KCNIP1: variants seen among roughly 807,000 people sequenced by gnomAD.
KCNIP1 encodes the protein A-type potassium channel modulatory protein KCNIP1.
KCNIP1 carries 18 observed loss-of-function variants against 33.0 expected under a neutral mutation model. The ratio of observed to expected loss-of-function variants is 0.55; its 90% CI spans 0.38 to 0.81. The LOEUF is 0.81. Among genes scored for constraint, KCNIP1 ranks in the 30% least tolerant of loss-of-function variants. The pLI is 0.00. For synonymous variants in KCNIP1, 93 were observed against 98.3 expected (o/e 0.95, Z 0.32); for missense variants, 238 against 271.6 (o/e 0.88, Z 0.87).
chr5:170,496,091 T>TC (rs1314311515), intron 1 of KCNIP1, among the ~76,000 whole-genome samples: 1 of 152,088 alleles, frequency 6.6e-6, no homozygotes, highest in Non-Finnish European at 1.5e-5. Flanking sequence ...TGTTCCCTCC[T>TC]CCCCTCCCTG....
chr5:170,715,259 C>A (rs1244565420), intron 1 of KCNIP1, among the ~76,000 whole-genome samples: 1 of 152,148 alleles, frequency 6.6e-6, no homozygotes, highest in East Asian at 1.9e-4. Context: ...GCTACCCCAT[C>A]TAGGTTTGCG....
Position 170,715,610 on chromosome 5 carries a change from A to T in KCNIP1, c.62-3148A>T, listed in dbSNP as rs372864737. ...TTAGAAAATCACTTCTTAATATCAC[A>T]TGCGCAGGGCAATGGTCCCCTCACT... is the stretch of plus-strand genomic sequence containing the variant. On this transcript the variant is annotated intron_variant, in intron 1 of 7. Transcript: ENST00000328939. 8.5e-5 allele frequency among the ~76,000 whole-genome samples: 13 copies of T among 152,326 alleles called. No individual in the cohort carries two copies. The East Asian group carries it at 1.5e-3, about 18-fold the overall frequency.
intron 1 of KCNIP1, among the ~76,000 whole-genome samples, chr5:170,603,731 T>A (rs955729375): frequency 2.0e-5 from 3 of 152,082 alleles, no homozygotes; most frequent in African/African-American, 7.2e-5. Context: ...CCTGCCACAC[T>A]CTCAGATCAC....
chr5:170,690,918 G>T (rs1488837290), intron 1 of KCNIP1, among the ~76,000 whole-genome samples: 2 of 152,244 alleles, frequency 1.3e-5, no homozygotes, highest in African/African-American at 4.8e-5. Context: ...TTTGATTAAA[G>T]AGTTCCTTGC....
intron 1 of KCNIP1, among the ~76,000 whole-genome samples, chr5:170,539,001 T>C (rs1185289078): frequency 6.6e-6 from 1 of 151,942 alleles, no homozygotes; most frequent in East Asian, 2.0e-4. Context: ...GGGGGTGTCA[T>C]TCATTCTCTT....
At chr5:170,621,910 C>T (rs1435695757) in intron 1 of KCNIP1, among the ~76,000 whole-genome samples, 3 of 152,194 alleles carry the variant, frequency 2.0e-5, no homozygotes, top group Non-Finnish European at 4.4e-5. Context: ...ACCAAAACCT[C>T]TGTCCTCAAG....
At chr5:170,659,745 A>T (rs1018896690) in intron 1 of KCNIP1, among the ~76,000 whole-genome samples, 1 of 152,210 alleles carries the variant, frequency 6.6e-6, no homozygotes, top group East Asian at 1.9e-4. Flanking sequence ...CTGTGTTTTC[A>T]TCTTCTCTCA....
chr5:170,690,106 A>C (rs964982872), intron 1 of KCNIP1, among the ~76,000 whole-genome samples: 3 of 152,192 alleles, frequency 2.0e-5, no homozygotes, highest in Admixed American at 1.3e-4. Flanking sequence ...GGTGCCCAGC[A>C]CATAGTAGGT....
chr5:170,431,534 A>C (rs1005899408), intron 1 of KCNIP1, among the ~76,000 whole-genome samples: 2 of 152,160 alleles, frequency 1.3e-5, no homozygotes, highest in African/African-American at 4.8e-5. Context: ...ATTTCCAGGA[A>C]ATTACCTGGG....
intron 1 of KCNIP1, among the ~76,000 whole-genome samples, chr5:170,362,840 T>G (rs1763549915): frequency 1.3e-5 from 2 of 152,214 alleles, no homozygotes; most frequent in Non-Finnish European, 2.9e-5. Context: ...CTTGGCAGGC[T>G]GGGCCGAGCC....
At chr5:170,522,062 C>T (rs545732936) in intron 1 of KCNIP1, among the ~76,000 whole-genome samples, 7 of 152,282 alleles carry the variant, frequency 4.6e-5, no homozygotes, top group South Asian at 2.1e-4. Flanking sequence ...GGCCTGCCAC[C>T]GGCAGCAATT....
chr5:170,722,647 A>G, intron 4 of KCNIP1, 66 bp from the exon 5 acceptor site: 2 of 1,122,778 alleles, frequency 1.8e-6, no homozygotes, highest in Non-Finnish European at 2.7e-6. Flanking sequence ...GTCTGACCCA[A>G]AGACACAGCT....
chr5:170,536,200 C>A lies in KCNIP1; in HGVS notation c.61+31567C>A, dbSNP rs537840780. 3.9e-5 allele frequency among the ~76,000 whole-genome samples: 6 copies of A among 152,326 alleles called. 1 individual carries two copies. The highest frequency in any genetic ancestry group is 1.4e-4 in the African/African-American group (6 of 41,564). ...GTCACACAGCAAGTTAGAGCAGAGC[C>A]CTGATTGAAACCAAGGGCTCCTGGG... is the stretch of plus-strand genomic sequence containing the variant. On this transcript the variant is annotated intron_variant, in intron 1 of 7. Transcript: ENST00000328939.
At chr5:170,614,518 AT>A (rs1272754828) in intron 1 of KCNIP1, among the ~76,000 whole-genome samples, 2 of 152,212 alleles carry the variant, frequency 1.3e-5, no homozygotes, top group Non-Finnish European at 2.9e-5. Context: ...CCAGAAATAT[AT>A]TCTCTGTTTA....
intron 1 of KCNIP1, among the ~76,000 whole-genome samples, chr5:170,638,411 A>G (rs1280671940): frequency 6.6e-6 from 1 of 152,190 alleles, no homozygotes; most frequent in Non-Finnish European, 1.5e-5. Flanking sequence ...CAGTGAGAAG[A>G]GTGTGCTCTG....
chr5:170,647,436 A>C (rs976607573), intron 1 of KCNIP1, among the ~76,000 whole-genome samples: 5 of 152,284 alleles, frequency 3.3e-5, no homozygotes, highest in African/African-American at 1.2e-4. Flanking sequence ...AAGTAGATCA[A>C]TGGAACAGAA....
chr5:170,672,637 G>A (rs1761969907), intron 1 of KCNIP1, among the ~76,000 whole-genome samples: 1 of 152,268 alleles, frequency 6.6e-6, no homozygotes, highest in African/African-American at 2.4e-5. Flanking sequence ...TAACTCACCA[G>A]TGTAATTTAG....
At chr5:170,354,946 G>A (rs1763305931) in intron 1 of KCNIP1, among the ~76,000 whole-genome samples, 1 of 152,226 alleles carries the variant, frequency 6.6e-6, no homozygotes, top group Admixed American at 6.5e-5. Context: ...AGAATATTCA[G>A]GGAAGGAGCC....
chr5:170,594,444 G>A (rs1160156322), intron 1 of KCNIP1, among the ~76,000 whole-genome samples: 2 of 152,200 alleles, frequency 1.3e-5, no homozygotes, highest in Non-Finnish European at 2.9e-5. Context: ...TAGTATGAAA[G>A]CCAGGGTTCC....
Sources: allele counts gnomAD v4.1 joint callset (sites outside exome capture counted in the v4.1 genomes callset), GRCh38; gene constraint gnomAD v4.1.1; transcripts MANE v1.5; gene names NCBI Gene and HGNC (gene_info 2026-07-23, HGNC 2026-07-21).